Variants in CCDC50 observed in about 807,000 individuals in gnomAD.
The protein encoded by CCDC50 is coiled-coil domain containing 50, also known as coiled-coil domain-containing protein 50.
Under a neutral mutation model 70.2 loss-of-function variants are expected in CCDC50, and 54 were observed. The ratio of observed to expected loss-of-function variants is 0.77; its 90% CI spans 0.62 to 0.96. The LOEUF is 0.96. Ranked by LOEUF, CCDC50 falls within the 50% of genes least tolerant of loss-of-function variation. The pLI is 0.00. For synonymous variants in CCDC50, 216 were observed against 198.8 expected (o/e 1.09, Z -0.73); for missense variants, 558 against 578.7 (o/e 0.96, Z 0.37).
intron 4 of CCDC50, among the ~76,000 whole-genome samples, chr3:191,367,321 A>G (rs16866505): frequency 0.098 from 14,850 of 152,124 alleles, 793 homozygotes; most frequent in East Asian, 0.24. Flanking sequence ...TAAATTCAGT[A>G]GCAAGAGGGC....
At chr3:191,344,275 A>G (rs577638126) in intron 1 of CCDC50, among the ~76,000 whole-genome samples, 1 of 152,338 alleles carries the variant, frequency 6.6e-6, no homozygotes, top group African/African-American at 2.4e-5. Context: ...CGTTGTGATT[A>G]TCGTCTAGAG....
chr3:191,373,752 C>T (rs1326876243), intron 5 of CCDC50, among the ~76,000 whole-genome samples: 3 of 152,062 alleles, frequency 2.0e-5, no homozygotes. Context: ...AAGATAAATA[C>T]TTCTACAGAC....
intron 1 of CCDC50, among the ~76,000 whole-genome samples, chr3:191,333,961 C>G (rs1410739762): frequency 6.6e-6 from 1 of 151,984 alleles, no homozygotes; most frequent in Non-Finnish European, 1.5e-5. Flanking sequence ...TAATTTGTTG[C>G]TTTCTTTTCT....
In CCDC50 at chr3:191,397,982, AGTG is replaced by A. The variant is rs1713915864; in HGVS notation, c.*6227_*6229del. 1.3e-5 allele frequency: 2 copies of A among 152,260 alleles called. No homozygotes were observed. Among genetic ancestry groups the A allele is most frequent in the Non-Finnish European group, 2.9e-5 (2 of 68,082 alleles). The allele number at this position is 152,260 out of a possible 1,614,324, so 9.4% of individuals were successfully genotyped here. A position where few individuals can be genotyped will look rare whatever the true frequency, so the allele number is the denominator to read the frequency against. On this transcript the variant is annotated 3_prime_UTR_variant, in exon 12 of 12. Transcript: ENST00000392455. ...TTTTGTGGATGCCTTAAAGATGACC[AGTG>A]GTGGGTTCTGATGGGAATATATACA...
At chr3:191,332,695 T>C (rs987574888) in intron 1 of CCDC50, among the ~76,000 whole-genome samples, 3 of 152,222 alleles carry the variant, frequency 2.0e-5, no homozygotes, top group African/African-American at 7.2e-5. Context: ...TAAAAAACTT[T>C]TAATCAGTTG....
intron 11 of CCDC50, among the ~76,000 whole-genome samples, chr3:191,390,651 A>G (rs918365342): frequency 1.3e-5 from 2 of 152,174 alleles, no homozygotes; most frequent in African/African-American, 2.4e-5. Flanking sequence ...ATGCTAATGC[A>G]TTATAGTTAG....
chr3:191,343,208 G>A (rs114205812), intron 1 of CCDC50, among the ~76,000 whole-genome samples: 8 of 152,310 alleles, frequency 5.3e-5, no homozygotes, highest in African/African-American at 1.9e-4. Context: ...TATACCCAGG[G>A]ATGACTGTAC....
At chr3:191,330,258 C>T (rs1464835418) in intron 1 of CCDC50, among the ~76,000 whole-genome samples, 1 of 151,762 alleles carries the variant, frequency 6.6e-6, no homozygotes, top group Admixed American at 6.6e-5. Flanking sequence ...GTGTTCTGCG[C>T]GGGCGGGAAG....
At chr3:191,352,025 T>C (rs1486364042) in intron 1 of CCDC50, among the ~76,000 whole-genome samples, 1 of 142,516 alleles carries the variant, frequency 7.0e-6, no homozygotes, top group Admixed American at 7.2e-5. Context: ...CACGGTTTCT[T>C]GATACATTCT....
chr3:191,339,295 A>C (rs1711629118), intron 1 of CCDC50, among the ~76,000 whole-genome samples: 1 of 152,212 alleles, frequency 6.6e-6, no homozygotes, highest in African/African-American at 2.4e-5. Flanking sequence ...TTAGAAGTTA[A>C]CACTGGTTAA....
chr3:191,381,592 T>C (rs181814399), intron 9 of CCDC50, among the ~76,000 whole-genome samples: 49 of 152,204 alleles, frequency 3.2e-4, no homozygotes, highest in African/African-American at 1.1e-3. Flanking sequence ...ACTTTGGACC[T>C]CCATGGAAAG....
At chr3:191,332,209 T>C (rs529062962) in intron 1 of CCDC50, among the ~76,000 whole-genome samples, 45 of 152,342 alleles carry the variant, frequency 3.0e-4, no homozygotes, top group Admixed American at 2.5e-3. Context: ...TTTAAAAATC[T>C]TCTTTCCTAG....
chr3:191,343,672 A>G (rs1338503269), intron 1 of CCDC50, among the ~76,000 whole-genome samples: 1 of 152,252 alleles, frequency 6.6e-6, no homozygotes, highest in African/African-American at 2.4e-5. Context: ...TACAGGAGAC[A>G]AGAAATCTAG....
Position 191,360,089 on chromosome 3 carries a change from T to C in CCDC50, c.240-980T>C, listed in dbSNP as rs183217016. Among the ~76,000 whole-genome samples the C allele has an allele frequency of 3.0e-4, 45 of 152,332 alleles. No individual in the cohort carries two copies. The East Asian group carries it at 6.9e-3, about 24-fold the overall frequency. ...TGGCAATTTTAATAGCTGTACATCT[T>C]GGGAAGGATGAAATGCTGCAGTTTT... is the stretch of plus-strand genomic sequence containing the variant. On this transcript the variant is annotated intron_variant, in intron 3 of 11. Transcript: ENST00000392455.
intron 5 of CCDC50, 106 bp from the exon 6 acceptor site, chr3:191,374,956 A>G (rs1713042345): frequency 1.7e-6 from 2 of 1,161,298 alleles, no homozygotes; most frequent in African/African-American, 1.5e-5. Context: ...CTCCATTTTT[A>G]AAGTACGTTA....
At chr3:191,383,646 C>T (rs557157408) in intron 10 of CCDC50, among the ~76,000 whole-genome samples, 46 of 152,242 alleles carry the variant, frequency 3.0e-4, no homozygotes, top group African/African-American at 1.1e-3. Flanking sequence ...CACTGAAGCT[C>T]CTAGACTTGT....
intron 5 of CCDC50, among the ~76,000 whole-genome samples, chr3:191,371,174 A>C (rs1327162037): frequency 2.0e-5 from 3 of 151,974 alleles, no homozygotes; most frequent in African/African-American, 7.3e-5. Context: ...TTTCTTTGCT[A>C]TTTGATTACC....
chr3:191,352,822 G>T (rs1373731772), intron 1 of CCDC50, among the ~76,000 whole-genome samples: 1 of 142,092 alleles, frequency 7.0e-6, no homozygotes, highest in East Asian at 1.9e-4. Flanking sequence ...CTAGTTTTAT[G>T]TAGTTTGTTT....
chr3:191,346,270 A>T (rs894557701), intron 1 of CCDC50, among the ~76,000 whole-genome samples: 3 of 152,206 alleles, frequency 2.0e-5, no homozygotes, highest in Non-Finnish European at 2.9e-5. Flanking sequence ...TTATTATGAA[A>T]TATTTTGAAA....
Sources: allele counts gnomAD v4.1 joint callset (sites outside exome capture counted in the v4.1 genomes callset), GRCh38; gene constraint gnomAD v4.1.1; transcripts MANE v1.5; gene names NCBI Gene and HGNC (gene_info 2026-07-23, HGNC 2026-07-21).